Variants in RFX7 observed in about 807,000 individuals in gnomAD.
The protein encoded by RFX7 is DNA-binding protein RFX7.
Under a neutral mutation model 111.8 loss-of-function variants are expected in RFX7, and 26 were observed. That is an observed-to-expected ratio of 0.23 (90% CI 0.17 to 0.32). The LOEUF (loss-of-function observed/expected upper bound fraction) is 0.32, where lower values mean the gene tolerates loss of function less well. Among genes scored for constraint, RFX7 ranks in the 10% least tolerant of loss-of-function variants. The pLI is 1.00. For missense variants in RFX7, 1,573 were observed against 1,772.9 expected (o/e 0.89, Z 2.02); for synonymous variants, 624 against 624.4 (o/e 1.00, Z 0.01).
intron 3 of RFX7, among the ~76,000 whole-genome samples, chr15:56,167,303 A>T (rs1305220377): frequency 4.6e-5 from 7 of 152,228 alleles, no homozygotes; most frequent in Admixed American, 2.0e-4. Context: ...ACAGAGTGAG[A>T]CGATGTCTCA....
At chr15:56,194,508 T>C (rs570652723) in intron 2 of RFX7, among the ~76,000 whole-genome samples, 2 of 152,200 alleles carry the variant, frequency 1.3e-5, no homozygotes, top group Non-Finnish European at 2.9e-5. Context: ...TTGTAGGTTG[T>C]GACTTGGCTC....
intron 5 of RFX7, among the ~76,000 whole-genome samples, chr15:56,117,843 T>C (rs1366542333): frequency 3.3e-5 from 5 of 152,164 alleles, no homozygotes; most frequent in Non-Finnish European, 7.4e-5. Context: ...ATTGTGTATA[T>C]ATACATTTTC....
chr15:56,186,165 T>C (rs1465664505), intron 2 of RFX7, among the ~76,000 whole-genome samples: 1 of 152,204 alleles, frequency 6.6e-6, no homozygotes, highest in East Asian at 1.9e-4. Flanking sequence ...CAAGCTTACC[T>C]GAAACTTCCT....
intron 2 of RFX7, among the ~76,000 whole-genome samples, chr15:56,180,572 T>TA (rs370633798): frequency 6.6e-6 from 1 of 152,098 alleles, no homozygotes; most frequent in East Asian, 1.9e-4. Flanking sequence ...AAAAAGGTAA[T>TA]ATATCCAGGA....
At chr15:56,163,596 T>G (rs2042750022) in intron 3 of RFX7, among the ~76,000 whole-genome samples, 1 of 152,110 alleles carries the variant, frequency 6.6e-6, no homozygotes, top group Non-Finnish European at 1.5e-5. Flanking sequence ...ATAAACGCTA[T>G]GAAGAAAAAG....
At chr15:56,217,161 C>T (rs1442631929) in intron 2 of RFX7, among the ~76,000 whole-genome samples, 7 of 152,074 alleles carry the variant, frequency 4.6e-5, no homozygotes, top group African/African-American at 1.7e-4. Context: ...CATTTTGCTG[C>T]ACTATTTTAA....
chr15:56,237,225 T>G (rs2043633337), intron 2 of RFX7, among the ~76,000 whole-genome samples: 1 of 152,204 alleles, frequency 6.6e-6, no homozygotes, highest in Non-Finnish European at 1.5e-5. Context: ...TTTTCCACAG[T>G]GCATTACCTT....
At chr15:56,216,917 T>C (rs1199051789) in intron 2 of RFX7, among the ~76,000 whole-genome samples, 1 of 152,050 alleles carries the variant, frequency 6.6e-6, no homozygotes, top group Admixed American at 6.6e-5. Context: ...GCCTATAGAG[T>C]AGCAAGAATT....
At chr15:56,194,706 T>A (rs2043131246) in intron 2 of RFX7, among the ~76,000 whole-genome samples, 1 of 152,016 alleles carries the variant, frequency 6.6e-6, no homozygotes, top group Non-Finnish European at 1.5e-5. Flanking sequence ...TAAAAAACAT[T>A]CGGAATCACA....
intron 7 of RFX7, 72 bp downstream of exon 7, chr15:56,102,097 T>C (rs17238601): frequency 0.37 from 407,622 of 1,101,382 alleles, 80,670 homozygotes; most frequent in Middle Eastern, 0.45. Flanking sequence ...AAATGAGACT[T>C]TGCAGGATGC....
chr15:56,167,746 A>G (rs1218051199), intron 3 of RFX7, among the ~76,000 whole-genome samples: 1 of 152,192 alleles, frequency 6.6e-6, no homozygotes. Flanking sequence ...AAACTAGAAA[A>G]GTACTTTATA....
intron 8 of RFX7, among the ~76,000 whole-genome samples, chr15:56,099,408 A>T (rs1446938810): frequency 1.3e-5 from 2 of 151,958 alleles, no homozygotes; most frequent in Non-Finnish European, 2.9e-5. Flanking sequence ...AAAAATCACA[A>T]TTTTTCATCT....
At chr15:56,111,394 T>C (rs1177297289) in intron 5 of RFX7, among the ~76,000 whole-genome samples, 27 of 151,976 alleles carry the variant, frequency 1.8e-4, no homozygotes, top group African/African-American at 6.5e-4. Flanking sequence ...CACTCAGGGT[T>C]AAATGGATTA....
At chr15:56,105,605 T>C (rs1461152646) in intron 5 of RFX7, among the ~76,000 whole-genome samples, 1 of 152,182 alleles carries the variant, frequency 6.6e-6, no homozygotes, top group African/African-American at 2.4e-5. Flanking sequence ...AATATATCCA[T>C]TCTATTCTCC....
intron 3 of RFX7, among the ~76,000 whole-genome samples, chr15:56,173,553 A>T (rs12592096): frequency 0.2 from 30,253 of 152,200 alleles, 3,444 homozygotes; most frequent in East Asian, 0.45. Context: ...AGCCACGGCA[A>T]GTGGATCAGA....
chr15:56,210,671 G>A (rs923332474), intron 2 of RFX7, among the ~76,000 whole-genome samples: 4 of 152,108 alleles, frequency 2.6e-5, no homozygotes, highest in East Asian at 1.9e-4. Flanking sequence ...TCCAAAATAC[G>A]TGGAAATTAA....
chr15:56,091,512 G>A lies in RFX7; in HGVS notation c.*1833C>T, dbSNP rs1165726687. 6.6e-6 allele frequency: 1 copy of A among 152,464 alleles called. No homozygotes were observed. Among genetic ancestry groups the A allele is most frequent in the African/African-American group, 2.4e-5 (1 of 41,428 alleles). 9.4% of individuals were successfully genotyped at this position (152,464 alleles called of 1,614,324 possible). Reference sequence around the variant, plus strand: ...TTTATATTAGTAGGAAGCTAATAATGTAAACAAGGGATTAGAATGGCCTCA... The same window carrying A: ...TTTATATTAGTAGGAAGCTAATAATATAAACAAGGGATTAGAATGGCCTCA... On this transcript the variant is annotated 3_prime_UTR_variant, in exon 10 of 10. Transcript: ENST00000559447.
intron 5 of RFX7, among the ~76,000 whole-genome samples, chr15:56,126,511 A>C (rs946505321): frequency 6.6e-6 from 1 of 152,254 alleles, no homozygotes; most frequent in African/African-American, 2.4e-5. Flanking sequence ...GGCAGGCATA[A>C]GACATATAGA....
chr15:56,195,531 A>T (rs17819390), intron 2 of RFX7, among the ~76,000 whole-genome samples: 26,110 of 152,156 alleles, frequency 0.17, 2,722 homozygotes, highest in Middle Eastern at 0.26. Context: ...TTGCCTTTGA[A>T]ATAGTCATTG....
Sources: allele counts gnomAD v4.1 joint callset (sites outside exome capture counted in the v4.1 genomes callset), GRCh38; gene constraint gnomAD v4.1.1; transcripts MANE v1.5; gene names NCBI Gene and HGNC (gene_info 2026-07-23, HGNC 2026-07-21).